The following PTPRQ variants were observed in gnomAD, a reference collection of about 807,000 sequenced individuals.
PTPRQ encodes the protein protein tyrosine phosphatase receptor type Q.
In PTPRQ, 199 loss-of-function variants were observed where a neutral mutation model predicts 246.0. The ratio of observed to expected loss-of-function variants is 0.81; its 90% CI spans 0.72 to 0.91. PTPRQ has a LOEUF of 0.91. Ranked by LOEUF, PTPRQ falls within the 40% of genes least tolerant of loss-of-function variation. The pLI, the probability that PTPRQ is intolerant of heterozygous loss-of-function variation, is 0.00. For missense variants in PTPRQ, 2,624 were observed against 2,528.4 expected (o/e 1.04, Z -0.81); for synonymous variants, 869 against 853.2 (o/e 1.02, Z -0.32).
intron 43 of PTPRQ, among the ~76,000 whole-genome samples, chr12:80,678,183 T>C (rs1273715268): frequency 7.0e-6 from 1 of 142,632 alleles, no homozygotes; most frequent in East Asian, 2.0e-4. Flanking sequence ...TGATGATGTA[T>C]AGATATGCTG....
rs563223115 is a variant in PTPRQ at position 80,541,598 on chromosome 12, G to A, written c.3198G>A (p.Ser1066=). 3.3e-5 allele frequency: 51 copies of A among 1,538,906 alleles called. No homozygotes were observed. Among genetic ancestry groups the A allele is most frequent in the East Asian group, 7.4e-5 (3 of 40,728 alleles). Residue 1066 remains serine, a synonymous_variant, in exon 21 of 45, where the codon TCG becomes TCA. Transcript: ENST00000644991. ...GAAACCTGACTTACGAATCCATTTC[G>A]TCAACTGCAATAAATGTAAGCTGGG... The part of the protein sequence containing the change: ...FVGNLTYESI[S]STAINVSWVP...
At chr12:80,594,117 A>T (rs994482973) in intron 26 of PTPRQ, among the ~76,000 whole-genome samples, 13 of 152,204 alleles carry the variant, frequency 8.5e-5, no homozygotes, top group African/African-American at 3.1e-4. Flanking sequence ...ATAGAGGGCA[A>T]AGTACACTTT....
chr12:80,482,871 AAAC>A (rs1165823311), intron 8 of PTPRQ, among the ~76,000 whole-genome samples: 1 of 130,842 alleles, frequency 7.6e-6, no homozygotes, highest in East Asian at 2.0e-4. Flanking sequence ...AAAAGTCAGG[AAAC>A]AACAGGTGCT....
At chr12:80,505,730 G>T (rs932155720) in intron 14 of PTPRQ, among the ~76,000 whole-genome samples, 4 of 151,790 alleles carry the variant, frequency 2.6e-5, no homozygotes, top group African/African-American at 9.7e-5. Context: ...TTGCATCTGT[G>T]TGTTCTTCAG....
intron 25 of PTPRQ, among the ~76,000 whole-genome samples, chr12:80,571,272 G>A (rs1189780869): frequency 6.6e-6 from 1 of 152,110 alleles, no homozygotes; most frequent in Non-Finnish European, 1.5e-5. Context: ...AGCCTCCTGA[G>A]TAGCTGGGAT....
At chr12:80,473,906 T>G (rs565208048) in intron 8 of PTPRQ, among the ~76,000 whole-genome samples, 16 of 152,344 alleles carry the variant, frequency 1.1e-4, no homozygotes, top group African/African-American at 3.6e-4. Context: ...ACTCCTCCTA[T>G]AGATCACACC....
chr12:80,449,552 A>C (rs1369299297), intron 3 of PTPRQ, among the ~76,000 whole-genome samples: 5 of 151,996 alleles, frequency 3.3e-5, no homozygotes, highest in Non-Finnish European at 7.4e-5. Context: ...TGATTTTTGT[A>C]TAAGGTGTAA....
At chr12:80,651,014 C>T (rs1337384532) in intron 37 of PTPRQ, among the ~76,000 whole-genome samples, 2 of 151,936 alleles carry the variant, frequency 1.3e-5, no homozygotes, top group East Asian at 3.9e-4. Flanking sequence ...GACATATTCA[C>T]TCATATCTTA....
Position 80,620,310 on chromosome 12 carries a change from C to T in PTPRQ, c.5546C>T (p.Ala1849Val). 6.5e-7 allele frequency: 1 copy of T among 1,549,456 alleles called. No individual in the cohort carries two copies. Among genetic ancestry groups the T allele is most frequent in the Non-Finnish European group, 8.7e-7 (1 of 1,145,540 alleles). Reference sequence around the variant, plus strand: ...ATCTACATCATAGGTGCTGATAATGCATGCATGATTCCTGGCAATGAAGAC... The same window carrying T: ...ATCTACATCATAGGTGCTGATAATGTATGCATGATTCCTGGCAATGAAGAC... ...EEIYIIGADN[A>V]CMIPGNEDKI... Residue 1849 changes from alanine to valine, a missense_variant, in exon 32 of 45, where the codon GCA (alanine) becomes GTA (valine). Coordinates refer to ENST00000644991, the MANE Select transcript of PTPRQ (RefSeq NM_001145026.2).
At chr12:80,667,664 G>A in intron 39 of PTPRQ, among the ~76,000 whole-genome samples, 1 of 151,948 alleles carries the variant, frequency 6.6e-6, no homozygotes, top group East Asian at 1.9e-4. Flanking sequence ...AGTGGAGAAT[G>A]TGCATATTTA....
intron 3 of PTPRQ, among the ~76,000 whole-genome samples, chr12:80,453,229 G>A (rs1215078351): frequency 6.6e-6 from 1 of 152,084 alleles, no homozygotes; most frequent in African/African-American, 2.4e-5. Context: ...GCTCCTTTAA[G>A]CACTTCTCTA....
At chr12:80,455,717 A>C (rs1348760024) in intron 3 of PTPRQ, among the ~76,000 whole-genome samples, 1 of 151,698 alleles carries the variant, frequency 6.6e-6, no homozygotes, top group East Asian at 1.9e-4. Context: ...CAGCCTCCCA[A>C]ATAGCTGGGA....
At chr12:80,635,154 G>A in intron 35 of PTPRQ, 81 bp downstream of exon 35, 1 of 1,486,764 alleles carries the variant, frequency 6.7e-7, no homozygotes, top group Non-Finnish European at 8.9e-7. Context: ...TGTTGGAAGT[G>A]TTTGTGGGGC....
intron 25 of PTPRQ, among the ~76,000 whole-genome samples, chr12:80,558,152 T>TCTTTC (rs1896711269): frequency 7.6e-6 from 1 of 130,830 alleles, no homozygotes; most frequent in South Asian, 2.3e-4. Context: ...TCTTTTCTTT[T>TCTTTC]CTTTTCTTTT....
intron 39 of PTPRQ, among the ~76,000 whole-genome samples, chr12:80,660,807 T>G (rs180929114): frequency 6.6e-5 from 10 of 152,216 alleles, no homozygotes; most frequent in African/African-American, 1.9e-4. Flanking sequence ...AAGAGATACA[T>G]TTTATAAATC....
At chr12:80,642,938 A>AAAAAAAAC (rs1565837049) in intron 35 of PTPRQ, among the ~76,000 whole-genome samples, 5 of 149,364 alleles carry the variant, frequency 3.3e-5, no homozygotes, top group African/African-American at 1.3e-4. Flanking sequence ...AAAAAAAAAA[A>AAAAAAAAC]AAAAAAAACA....
At position 80,609,386 on chromosome 12, in the gene PTPRQ, G is replaced by A. The variant is rs117842547; in HGVS notation, c.4732-1053G>A. 5.8e-3 allele frequency among the ~76,000 whole-genome samples: 872 copies of A among 150,634 alleles called. 3 individuals carry two copies. Among genetic ancestry groups the A allele is most frequent in the Non-Finnish European group, 8.3e-3 (554 of 66,956 alleles). On this transcript the variant is annotated intron_variant, in intron 27 of 44. Transcript: ENST00000644991. ...AAATATTTCAAAGTTATAAGGGAAG[G>A]TCAAGTTGAAAATGGACTTAATAGT...
intron 7 of PTPRQ, among the ~76,000 whole-genome samples, chr12:80,471,245 T>A (rs1270173151): frequency 6.6e-6 from 1 of 151,966 alleles, no homozygotes; most frequent in Admixed American, 6.6e-5. Context: ...ACTTGAGAGC[T>A]GTGGGGCAAA....
At position 80,479,638 on chromosome 12, in the gene PTPRQ, C is replaced by T. The variant is rs1215266035; in HGVS notation, c.1187-4795C>T. Among the ~76,000 whole-genome samples the T allele has an allele frequency of 8.8e-4, 123 of 138,988 alleles. 2 individuals carry two copies. The highest frequency in any genetic ancestry group is 3.0e-3 in the African/African-American group (108 of 35,746). The allele number at this position is 138,988 out of a possible 152,430, so 91.2% of individuals were successfully genotyped here. A position where few individuals can be genotyped will look rare whatever the true frequency, so the allele number is the denominator to read the frequency against. Reference sequence around the variant, plus strand: ...TGCTGTATTCAGGAAACCCATCTCACGTGCAGAGACACACATAGGCTCAAA... The same window carrying T: ...TGCTGTATTCAGGAAACCCATCTCATGTGCAGAGACACACATAGGCTCAAA... On this transcript the variant is annotated intron_variant, in intron 8 of 44. Transcript: ENST00000644991.
Sources: gnomAD v4.1 joint callset for allele counts (sites outside exome capture counted in the v4.1 genomes callset) on GRCh38, gnomAD v4.1.1 for gene constraint, MANE v1.5 for transcripts, NCBI Gene and HGNC (gene_info 2026-07-23, HGNC 2026-07-21) for gene names.